The following DMD variants were observed in gnomAD, a reference collection of about 807,000 sequenced individuals.
The protein encoded by DMD is mutant dystrophin.
Under a neutral mutation model 330.1 loss-of-function variants are expected in DMD, and 63 were observed. The ratio of observed to expected loss-of-function variants is 0.19; its 90% CI spans 0.16 to 0.24. The LOEUF is 0.24. DMD is among the 10% of genes least tolerant of loss of function. DMD has a pLI of 1.00. For synonymous variants in DMD, 1,223 were observed against 959.8 expected, an observed-to-expected ratio of 1.27 and a Z score of -5.07; for missense variants, 3,344 against 2,684.1, an observed-to-expected ratio of 1.25 and a Z score of -5.43.
chrX:32,609,501 C>A (rs1403583809), intron 12 of DMD, among the ~76,000 whole-genome samples: 1 of 110,976 alleles, frequency 9.0e-6, no homozygotes, highest in African/African-American at 3.3e-5. Flanking sequence ...TTCTTCACAG[C>A]ACCCATGTGC....
chrX:33,103,151 C>T (rs2095255035), intron 1 of DMD, among the ~76,000 whole-genome samples: 1 of 111,725 alleles, frequency 9.0e-6, no homozygotes, highest in Non-Finnish European at 1.9e-5. Context: ...ATTGGTAAGA[C>T]ATTCTTCTAG....
intron 63 of DMD, among the ~76,000 whole-genome samples, chrX:31,226,331 G>A (rs1418124422): frequency 9.0e-6 from 1 of 111,696 alleles, no homozygotes; most frequent in Non-Finnish European, 1.9e-5. Context: ...TCCATTTTGT[G>A]GGCTTTTATT....
chrX:31,846,432 A>AATAC (rs1470269999), intron 48 of DMD, among the ~76,000 whole-genome samples: 5 of 84,537 alleles, frequency 5.9e-5, no homozygotes, highest in Non-Finnish European at 9.0e-5. Flanking sequence ...AAAATCAAGA[A>AATAC]ATACACACAC....
At chrX:31,835,311 T>C (rs57349076) in intron 49 of DMD, among the ~76,000 whole-genome samples, 1,452 of 111,904 alleles carry the variant, frequency 0.013, 26 homozygotes, top group African/African-American at 0.044. Context: ...AAAGAGTAGA[T>C]AGAAACGTAT....
intron 2 of DMD, among the ~76,000 whole-genome samples, chrX:32,949,311 TGATA>T (rs1404939749): frequency 1.7e-4 from 17 of 101,554 alleles, no homozygotes; most frequent in South Asian, 1.4e-3. Context: ...ATATATTAGA[TGATA>T]GATAGATTAG....
chrX:32,057,642 T>C (rs2096188113), intron 44 of DMD, among the ~76,000 whole-genome samples: 1 of 111,798 alleles, frequency 8.9e-6, no homozygotes, highest in Admixed American at 9.5e-5. Flanking sequence ...ATACATCTGA[T>C]GTGTCATTTA....
At chrX:33,032,513 G>C (rs904292797) in intron 1 of DMD, among the ~76,000 whole-genome samples, 1 of 111,987 alleles carries the variant, frequency 8.9e-6, no homozygotes, top group Non-Finnish European at 1.9e-5. Flanking sequence ...AGAGAGGGTT[G>C]TATTCCATCA....
chrX:31,202,834 A>G (rs1018586282), intron 67 of DMD, among the ~76,000 whole-genome samples: 10 of 112,585 alleles, frequency 8.9e-5, no homozygotes, highest in African/African-American at 3.2e-4. Context: ...CAATACTGAT[A>G]GCGTTACAAT....
intron 2 of DMD, among the ~76,000 whole-genome samples, chrX:33,017,504 C>CT (rs11434982): frequency 0.1 from 11,035 of 110,585 alleles, 771 homozygotes; most frequent in African/African-American, 0.23. Context: ...TTTTCATTCT[C>CT]TTTTTTCTCT....
chrX:31,239,579 G>C (rs1476696004), intron 63 of DMD, among the ~76,000 whole-genome samples: 14 of 111,102 alleles, frequency 1.3e-4, no homozygotes, highest in Non-Finnish European at 2.3e-4. Context: ...TTCTAAGTGG[G>C]ACTTCAAGTC....
rs747357238 is a variant in DMD, at chrX:32,465,813, T to C, written c.3163-1114A>G. On this transcript the variant is annotated intron_variant, in intron 23 of 78. Coordinates refer to ENST00000357033, the MANE Select transcript of DMD (RefSeq NM_004006.3). Reference sequence around the variant, plus strand: ...GTTGGCCAGCATGGTCTTGATCTCTTGACCTCGTGATCTACCTGCCTCAGC... The same window carrying C: ...GTTGGCCAGCATGGTCTTGATCTCTCGACCTCGTGATCTACCTGCCTCAGC... 5.4e-5 allele frequency among the ~76,000 whole-genome samples: 6 copies of C among 110,781 alleles called. No homozygotes were observed. The South Asian group carries it at 2.3e-3, about 42-fold the overall frequency.
chrX:32,728,646 T>C (rs2067171341), intron 7 of DMD, among the ~76,000 whole-genome samples: 2 of 112,326 alleles, frequency 1.8e-5, no homozygotes, highest in Non-Finnish European at 3.8e-5. Flanking sequence ...GAAAATGTGA[T>C]AGTTATGGTA....
chrX:31,898,006 T>C (rs1190204926), intron 47 of DMD, among the ~76,000 whole-genome samples: 1 of 111,047 alleles, frequency 9.0e-6, no homozygotes, highest in Non-Finnish European at 1.9e-5. Context: ...CCCATGCCTA[T>C]GTCCTGAATG....
At chrX:31,786,754 A>G (rs1161586831) in intron 50 of DMD, among the ~76,000 whole-genome samples, 1 of 111,765 alleles carries the variant, frequency 8.9e-6, no homozygotes, top group Non-Finnish European at 1.9e-5. Flanking sequence ...GCAAAGATAC[A>G]AAAGTCTCGC....
chrX:32,326,279 G>C (rs2097650159), intron 41 of DMD, among the ~76,000 whole-genome samples: 1 of 111,711 alleles, frequency 9.0e-6, no homozygotes, highest in Non-Finnish European at 1.9e-5. Context: ...TAAAAAGCAG[G>C]CAGTTAAAAA....
At chrX:33,235,339 A>T (rs892410868) in intron 1 of DMD, among the ~76,000 whole-genome samples, 3 of 111,847 alleles carry the variant, frequency 2.7e-5, no homozygotes, top group Non-Finnish European at 5.6e-5. Context: ...CCACCCCATA[A>T]TAGGAAACAT....
At chrX:31,173,712 C>A (rs2040234907) in intron 71 of DMD, 108 bp from the exon 72 acceptor site, 2 of 606,583 alleles carry the variant, frequency 3.3e-6, no homozygotes, top group Admixed American at 3.0e-5. Flanking sequence ...TATTCTAATT[C>A]TATGGATAAT....
chrX:32,054,860 GAGGGA>G (rs1212668425), intron 44 of DMD, among the ~76,000 whole-genome samples: 6,819 of 83,198 alleles, frequency 0.082, 418 homozygotes, highest in South Asian at 0.14. Context: ...AAGGAGAGGG[GAGGGA>G]AGGGAAGGGG....
At position 31,289,268 on chromosome X, in the gene DMD, A is replaced by AAAAAAAAAAAAAAAAAAAAAAAAAAAAC. The variant is rs2053488709; in HGVS notation, c.9225-28253_9225-28252insGTTTTTTTTTTTTTTTTTTTTTTTTTTT. ...TGACAGAGCAAAAAAAAAAAAAATA[A>AAAAAAAAAAAAAAAAAAAAAAAAAAAAC]AAAATAAAATAAAATCCATCTCAAA... On this transcript the variant is annotated intron_variant, in intron 62 of 78. Transcript: ENST00000357033. 2.3e-5 allele frequency among the ~76,000 whole-genome samples: 2 copies of AAAAAAAAAAAAAAAAAAAAAAAAAAAAC among 87,461 alleles called. 1 individual carries two copies. Among genetic ancestry groups the AAAAAAAAAAAAAAAAAAAAAAAAAAAAC allele is most frequent in the Non-Finnish European group, 4.4e-5 (2 of 45,120 alleles). The allele number at this position is 87,461 out of a possible 115,157, so 75.9% of individuals were successfully genotyped here.
Sources: gnomAD v4.1 joint callset for allele counts (sites outside exome capture counted in the v4.1 genomes callset) on GRCh38, gnomAD v4.1.1 for gene constraint, MANE v1.5 for transcripts, NCBI Gene and HGNC (gene_info 2026-07-23, HGNC 2026-07-21) for gene names.